The following ARIH2 variants were observed in gnomAD, a reference collection of about 807,000 sequenced individuals.
ARIH2 encodes the protein E3 ubiquitin-protein ligase ARIH2.
A neutral mutation model predicts 79.8 loss-of-function variants in ARIH2; 12 were observed. The ratio of observed to expected loss-of-function variants is 0.15; its 90% CI spans 0.10 to 0.24. The LOEUF (loss-of-function observed/expected upper bound fraction) is 0.24. Ranked by LOEUF, ARIH2 falls within the 10% of genes least tolerant of loss-of-function variation. The pLI is 1.00. For missense variants in ARIH2, 301 were observed against 618.3 expected (o/e 0.49, Z 5.44); for synonymous variants, 224 against 213.9 (o/e 1.05, Z -0.41).
chr3:48,930,696 G>A (rs763420264), intron 3 of ARIH2, among the ~76,000 whole-genome samples: 3 of 152,096 alleles, frequency 2.0e-5, no homozygotes, highest in Non-Finnish European at 4.4e-5. Context: ...ATGGTGTTCC[G>A]GCTACTCTGG....
chr3:48,979,736 T>G, intron 12 of ARIH2, 103 bp downstream of exon 12: 2 of 1,287,760 alleles, frequency 1.6e-6, no homozygotes, highest in Non-Finnish European at 2.2e-6. Context: ...CCTGTGCACA[T>G]AGAAGTCAGT....
At chr3:48,934,488 G>A (rs2086843613) in intron 3 of ARIH2, 2 of 985,180 alleles carry the variant, frequency 2.0e-6, no homozygotes, top group East Asian at 1.1e-4. Flanking sequence ...GCTGGGCCTG[G>A]TTACACTGAG....
At chr3:48,964,052 A>G (rs1419088392) in intron 4 of ARIH2, among the ~76,000 whole-genome samples, 1 of 151,676 alleles carries the variant, frequency 6.6e-6, no homozygotes, top group Admixed American at 6.6e-5. Flanking sequence ...TTTTTTAAAG[A>G]CAGAGTCTTG....
At chr3:48,934,873 C>A (rs1032235543) in intron 3 of ARIH2, 1 of 985,230 alleles carries the variant, frequency 1.0e-6, no homozygotes, top group African/African-American at 1.7e-5. Context: ...TCAAGGCCAG[C>A]TTTCATTCTA....
At chr3:48,948,997 C>G in intron 3 of ARIH2, 1 of 447,876 alleles carries the variant, frequency 2.2e-6, no homozygotes, top group Non-Finnish European at 4.5e-6. Flanking sequence ...GGCTACTACG[C>G]AGTATGCTGC....
chr3:48,949,588 C>T (rs1054836729), intron 3 of ARIH2, among the ~76,000 whole-genome samples: 2 of 152,166 alleles, frequency 1.3e-5, no homozygotes, highest in Admixed American at 6.5e-5. Context: ...TTTGCATTCC[C>T]TAATGACTAG....
At chr3:48,924,153 G>C (rs2085236783) in intron 2 of ARIH2, among the ~76,000 whole-genome samples, 1 of 151,892 alleles carries the variant, frequency 6.6e-6, no homozygotes, top group African/African-American at 2.4e-5. Context: ...CTTTTAGACT[G>C]GTTACAAATT....
At chr3:48,940,691 A>C (rs894589589) in intron 3 of ARIH2, among the ~76,000 whole-genome samples, 2 of 151,078 alleles carry the variant, frequency 1.3e-5, no homozygotes, top group South Asian at 2.1e-4. Context: ...GATACTCGGG[A>C]GGCTGAGGCA....
In ARIH2 at chr3:48,981,568, T is replaced by C; in HGVS notation, c.1258-92T>C. 5.9e-6 allele frequency: 6 copies of C among 1,012,054 alleles called. No individual in the cohort carries two copies. The South Asian group carries it at 8.2e-5, about 14-fold the overall frequency. 62.7% of individuals were successfully genotyped at this position (1,012,054 alleles called of 1,614,324 possible). On this transcript the variant is annotated intron_variant, in intron 13 of 15. Coordinates refer to ENST00000356401, the MANE Select transcript of ARIH2 (RefSeq NM_006321.4). ...CTATATCTATAGAGCTGGGCTAATT[T>C]GCATGTTGAGGGTAGGAATTGTAAG...
intron 5 of ARIH2, 106 bp from the exon 6 acceptor site, chr3:48,967,019 T>G: frequency 8.2e-7 from 1 of 1,224,724 alleles, no homozygotes; most frequent in Non-Finnish European, 1.2e-6. Flanking sequence ...CTCTGATACT[T>G]GTTGCAGGGT....
intron 3 of ARIH2, chr3:48,928,088 A>T (rs2085873619): frequency 2.4e-6 from 1 of 425,412 alleles, no homozygotes; most frequent in Non-Finnish European, 4.2e-6. Context: ...GTGTAGTAGC[A>T]GAATTGCACA....
intron 3 of ARIH2, chr3:48,945,276 T>G (rs923414685): frequency 8.7e-7 from 1 of 1,147,858 alleles, no homozygotes; most frequent in Non-Finnish European, 1.2e-6. Context: ...TGTTAACTTG[T>G]CCTTGAGGGC....
intron 3 of ARIH2, among the ~76,000 whole-genome samples, chr3:48,959,547 G>A (rs1379510647): frequency 2.0e-5 from 3 of 146,736 alleles, no homozygotes; most frequent in African/African-American, 7.6e-5. Context: ...ACTGTGGCTG[G>A]CCAGCCAGCA....
chr3:48,978,917 C>T (rs934620155), intron 11 of ARIH2, among the ~76,000 whole-genome samples: 7 of 150,978 alleles, frequency 4.6e-5, no homozygotes, highest in African/African-American at 1.2e-4. Context: ...GCCAAGATCG[C>T]GCCACTGCAC....
At chr3:48,977,580 C>T (rs1490810907) in intron 11 of ARIH2, among the ~76,000 whole-genome samples, 1 of 152,266 alleles carries the variant, frequency 6.6e-6, no homozygotes, top group African/African-American at 2.4e-5. Context: ...GCCTCAGCCT[C>T]CCAAGTAGCT....
At chr3:48,963,572 G>C (rs1277841181) in intron 4 of ARIH2, among the ~76,000 whole-genome samples, 1 of 152,106 alleles carries the variant, frequency 6.6e-6, no homozygotes, top group East Asian at 1.9e-4. Context: ...AATTATTGTA[G>C]GTAACTCTTA....
At chr3:48,925,597 CAG>C (rs1428043146) in intron 2 of ARIH2, among the ~76,000 whole-genome samples, 3 of 151,918 alleles carry the variant, frequency 2.0e-5, no homozygotes, top group African/African-American at 7.3e-5. Context: ...TTTTTTCAGA[CAG>C]ATTACCTACT....
chr3:48,947,503 G>A (rs2089354801), intron 3 of ARIH2, among the ~76,000 whole-genome samples: 1 of 151,612 alleles, frequency 6.6e-6, no homozygotes, highest in African/African-American at 2.4e-5. Flanking sequence ...AGCATTATAG[G>A]CCTATATGGA....
intron 3 of ARIH2, among the ~76,000 whole-genome samples, chr3:48,941,006 G>A (rs948776090): frequency 6.7e-6 from 1 of 150,052 alleles, no homozygotes; most frequent in Non-Finnish European, 1.5e-5. Flanking sequence ...CGTCTCTACT[G>A]AAAATACAAA....
Sources: allele counts gnomAD v4.1 joint callset (sites outside exome capture counted in the v4.1 genomes callset), GRCh38; gene constraint gnomAD v4.1.1; transcripts MANE v1.5; gene names NCBI Gene and HGNC (gene_info 2026-07-23, HGNC 2026-07-21).